Variants in GREB1L observed in about 807,000 individuals in gnomAD.
GREB1L encodes GREB1 like retinoic acid receptor coactivator.
In GREB1L, 17 loss-of-function variants were observed where a neutral mutation model predicts 200.8. The observed-to-expected ratio is 0.08, with a 90% CI of 0.06 to 0.13. GREB1L has a LOEUF of 0.13. Ranked by LOEUF, GREB1L falls within the 10% of genes least tolerant of loss-of-function variation. The pLI is 1.00. For synonymous variants in GREB1L, 789 were observed against 893.0 expected (o/e 0.88, Z 2.08); for missense variants, 1,657 against 2,367.7 (o/e 0.70, Z 6.23).
chr18:21,390,295 A>T (rs1039153170), intron 4 of GREB1L, among the ~76,000 whole-genome samples: 2 of 71,224 alleles, frequency 2.8e-5, no homozygotes, highest in East Asian at 6.0e-4. Context: ...TCTACTTATT[A>T]AAAAAAAAAA....
intron 32 of GREB1L, among the ~76,000 whole-genome samples, chr18:21,521,782 T>C (rs913256862): frequency 6.6e-6 from 1 of 151,654 alleles, no homozygotes; most frequent in Non-Finnish European, 1.5e-5. Context: ...GGTGGGTGGA[T>C]TGGCTGAGCT....
intron 1 of GREB1L, among the ~76,000 whole-genome samples, chr18:21,249,936 T>C (rs773833695): frequency 6.7e-6 from 1 of 149,316 alleles, no homozygotes; most frequent in Non-Finnish European, 1.5e-5. Context: ...TTGAGGAAAA[T>C]ATGATGTTTT....
chr18:21,290,243 T>C (rs2038425681), intron 1 of GREB1L, among the ~76,000 whole-genome samples: 1 of 152,094 alleles, frequency 6.6e-6, no homozygotes, highest in South Asian at 2.1e-4. Context: ...GAGTGAGGGG[T>C]TTCAATGCAT....
At chr18:21,247,972 A>T (rs539414477) in intron 1 of GREB1L, among the ~76,000 whole-genome samples, 2 of 152,332 alleles carry the variant, frequency 1.3e-5, no homozygotes, top group African/African-American at 4.8e-5. Flanking sequence ...GGGAGTAAGA[A>T]ACCTCAGCGC....
At chr18:21,477,785 CAAAAAAA>C (rs560513738) in intron 17 of GREB1L, among the ~76,000 whole-genome samples, 1 of 107,642 alleles carries the variant, frequency 9.3e-6, no homozygotes. Context: ...GACTCCGTCT[CAAAAAAA>C]AAAAAAACAA....
intron 27 of GREB1L, among the ~76,000 whole-genome samples, chr18:21,510,850 T>C (rs914087222): frequency 1.3e-5 from 2 of 152,134 alleles, no homozygotes; most frequent in African/African-American, 4.8e-5. Flanking sequence ...ACCAACACTT[T>C]TTTTTTTTGA....
chr18:21,246,809 C>G (rs1454455468), intron 1 of GREB1L, among the ~76,000 whole-genome samples: 1 of 152,106 alleles, frequency 6.6e-6, no homozygotes, highest in East Asian at 1.9e-4. Context: ...CCTTGAAGAG[C>G]TGATTTGTGG....
At chr18:21,273,764 A>G (rs1406267671) in intron 1 of GREB1L, among the ~76,000 whole-genome samples, 3 of 152,204 alleles carry the variant, frequency 2.0e-5, no homozygotes, top group Non-Finnish European at 4.4e-5. Context: ...GCTAAGAGGA[A>G]GTGCTTGACA....
At chr18:21,473,337 A>T in intron 16 of GREB1L, 126 bp downstream of exon 16, 2 of 586,140 alleles carry the variant, frequency 3.4e-6, no homozygotes, top group Admixed American at 7.9e-5. Context: ...TGGGAGGCTG[A>T]GGCGGGTGGA....
intron 15 of GREB1L, 34 bp downstream of exon 15, chr18:21,454,597 G>A (rs2034670474): frequency 1.3e-6 from 2 of 1,483,002 alleles, no homozygotes; most frequent in Admixed American, 2.0e-5. Flanking sequence ...AGCCCACCTA[G>A]ATCCAGCTTC....
intron 1 of GREB1L, among the ~76,000 whole-genome samples, chr18:21,246,534 T>C (rs1173297870): frequency 6.6e-6 from 1 of 152,188 alleles, no homozygotes; most frequent in Non-Finnish European, 1.5e-5. Flanking sequence ...TTCCGCCATA[T>C]TGCTATAGTT....
In GREB1L at chr18:21,440,309, G is replaced by A. The variant is rs1420713616; in HGVS notation, c.990G>A (p.Arg330=). Residue 330 remains arginine, a synonymous_variant, in exon 9 of 33, where the codon CGG becomes CGA. Coordinates refer to ENST00000424526, the MANE Select transcript of GREB1L (RefSeq NM_001142966.3). The part of the protein sequence containing the change: ...FISGPPKKRH[R]GWYPGSPLPQ... ...CTGGGCCACCAAAGAAACGACACCG[G>A]GGATGGTATCCTGGGTCACCTCTCC... 1 of 1,551,450 alleles carries A rather than the reference G, an allele frequency of 6.4e-7. No individual in the cohort carries two copies. Among genetic ancestry groups the A allele is most frequent in the Admixed American group, 2.0e-5 (1 of 50,962 alleles).
At chr18:21,359,832 G>A (rs1264327841) in intron 1 of GREB1L, among the ~76,000 whole-genome samples, 2 of 152,158 alleles carry the variant, frequency 1.3e-5, no homozygotes, top group East Asian at 3.8e-4. Flanking sequence ...CATGAAGTAG[G>A]TTAAGAAATT....
At chr18:21,385,505 A>G (rs957491084) in intron 4 of GREB1L, among the ~76,000 whole-genome samples, 3 of 152,142 alleles carry the variant, frequency 2.0e-5, no homozygotes, top group Non-Finnish European at 2.9e-5. Context: ...AGCAATTAGT[A>G]CTACTGCTCT....
Position 21,401,193 on chromosome 18 carries a change from A to G in GREB1L, c.576A>G (p.Arg192=). Residue 192 remains arginine, a synonymous_variant, in exon 6 of 33, where the codon CGA becomes CGG. Transcript: ENST00000424526. ...NCIGCGERGF[R]YFTEFSNHIN... ...TCGGCTGTGGAGAAAGAGGATTTCG[A>G]TATTTCACGGAATTTTCCAACCACA... 1.9e-6 allele frequency: 3 copies of G among 1,551,636 alleles called. No individual in the cohort carries two copies. The highest frequency in any genetic ancestry group is 1.7e-6 in the Non-Finnish European group (2 of 1,146,980).
At chr18:21,301,463 T>TG (rs2038616281) in intron 1 of GREB1L, among the ~76,000 whole-genome samples, 1 of 152,200 alleles carries the variant, frequency 6.6e-6, no homozygotes, top group Non-Finnish European at 1.5e-5. Context: ...ATGATATTCA[T>TG]GAATACTGTG....
rs1327174057 is a variant in GREB1L, at chr18:21,383,534, G to A, written c.16G>A (p.Ala6Thr). 7.0e-6 allele frequency: 10 copies of A among 1,420,280 alleles called. No homozygotes were observed. The highest frequency in any genetic ancestry group is 9.3e-6 in the Non-Finnish European group (10 of 1,079,510). 88.0% of individuals were successfully genotyped at this position (1,420,280 alleles called of 1,614,324 possible). A position where few individuals can be genotyped will look rare whatever the true frequency, so the allele number is the denominator to read the frequency against. The change falls in exon 3 of 33, where the codon GCT becomes ACT. Residue 6 changes from alanine to threonine, a missense_variant. By Grantham distance (58) the Ala-to-Thr change is moderately conservative. Transcript: ENST00000424526. Reference sequence around the variant, plus strand: ...GGTGTAGATCATGGGGAATTCATATGCTGGGCAACTGAAATCTGCTCGATT... The same window carrying A: ...GGTGTAGATCATGGGGAATTCATATACTGGGCAACTGAAATCTGCTCGATT... MGNSY[A>T]GQLKSARFEE... is the part of the protein sequence containing the mutation.
At chr18:21,329,222 G>A (rs1214883712) in intron 1 of GREB1L, among the ~76,000 whole-genome samples, 1 of 151,618 alleles carries the variant, frequency 6.6e-6, no homozygotes, top group Non-Finnish European at 1.5e-5. Flanking sequence ...CCAGTTGGGA[G>A]GCTGAGGCAC....
At chr18:21,405,728 G>A (rs900224104) in intron 7 of GREB1L, among the ~76,000 whole-genome samples, 3 of 152,124 alleles carry the variant, frequency 2.0e-5, no homozygotes, top group African/African-American at 2.4e-5. Flanking sequence ...TTGTACCCAC[G>A]AGGTGGAAGT....
Sources: gnomAD v4.1 joint callset for allele counts (sites outside exome capture counted in the v4.1 genomes callset) on GRCh38, gnomAD v4.1.1 for gene constraint, MANE v1.5 for transcripts, NCBI Gene and HGNC (gene_info 2026-07-23, HGNC 2026-07-21) for gene names.